MYO5B: variants seen among roughly 807,000 people sequenced by gnomAD.
The protein encoded by MYO5B is myosin VB.
A neutral mutation model predicts 229.3 loss-of-function variants in MYO5B; 143 were observed. The observed-to-expected ratio is 0.62, with a 90% CI of 0.54 to 0.72. MYO5B has a LOEUF of 0.72. Among genes scored for constraint, MYO5B ranks in the 30% least tolerant of loss-of-function variants. The pLI, the probability that MYO5B is intolerant of heterozygous loss-of-function variation, is 0.00. For missense variants in MYO5B, 2,321 were observed against 2,331.0 expected, an observed-to-expected ratio of 1.00 and a Z score of 0.09; for synonymous variants, 918 against 885.2, an observed-to-expected ratio of 1.04 and a Z score of -0.66.
At position 49,937,370 on chromosome 18, in the gene MYO5B, C is replaced by T; in HGVS notation, c.1780G>A (p.Asp594Asn). 1 of 1,614,108 alleles carries T rather than the reference C, an allele frequency of 6.2e-7. No homozygotes were observed. The highest frequency in any genetic ancestry group is 8.5e-7 in the Non-Finnish European group (1 of 1,179,990). Residue 594 changes from aspartate (D) to asparagine (N), a missense_variant, in exon 15 of 40, where the codon GAT (aspartate) becomes AAT (asparagine). By Grantham distance (23) the Asp-to-Asn change is conservative. Transcript: ENST00000285039. ...GTGGCAGGAACAGGGTCCTTGTCAT[C>T]ATGAAACAAGTCAGCCACTAGTGGG... ...KFPLVADLFH[D>N]DKDPVPATTP...
intron 1 of MYO5B, among the ~76,000 whole-genome samples, chr18:50,056,656 C>T (rs1401291230): frequency 6.6e-6 from 1 of 152,060 alleles, no homozygotes; most frequent in Non-Finnish European, 1.5e-5. Flanking sequence ...AGCACAGACC[C>T]TGGGCCAGTC....
chr18:50,063,754 TCAGAA>T (rs1378093804), intron 1 of MYO5B: 3 of 152,220 alleles, frequency 2.0e-5, no homozygotes, highest in Non-Finnish European at 2.9e-5. Flanking sequence ...CCCAGTCTCT[TCAGAA>T]AAGAGTCAAC....
intron 4 of MYO5B, among the ~76,000 whole-genome samples, chr18:50,002,532 C>T (rs942888493): frequency 2.6e-5 from 4 of 152,150 alleles, no homozygotes; most frequent in Non-Finnish European, 4.4e-5. Flanking sequence ...GGTTCTAAAC[C>T]TGTCTTCATT....
chr18:50,179,931 T>C (rs895090423), intron 1 of MYO5B, among the ~76,000 whole-genome samples: 1 of 152,140 alleles, frequency 6.6e-6, no homozygotes, highest in Admixed American at 6.5e-5. Context: ...CTGTTGGTGG[T>C]ATCAATGCGG....
At chr18:50,009,454 C>G (rs919354020) in intron 4 of MYO5B, among the ~76,000 whole-genome samples, 2 of 152,062 alleles carry the variant, frequency 1.3e-5, no homozygotes, top group Non-Finnish European at 2.9e-5. Flanking sequence ...CAACAGAATA[C>G]TAAGAGATAC....
intron 31 of MYO5B, chr18:49,850,129 G>C (rs2024181646): frequency 3.8e-6 from 1 of 261,334 alleles, no homozygotes; most frequent in African/African-American, 2.2e-5. Flanking sequence ...ACACTGGTGT[G>C]GCCCCAGACC....
chr18:50,007,340 G>T (rs1217065707), intron 4 of MYO5B, among the ~76,000 whole-genome samples: 1 of 152,098 alleles, frequency 6.6e-6, no homozygotes, highest in African/African-American at 2.4e-5. Context: ...TCTCTCCAGG[G>T]TGTAGTCTGT....
chr18:49,974,514 C>T lies in MYO5B; in HGVS notation c.1158G>A (p.Glu386=). ...GCAGGGACATGGTCTTGACGTAGGTCTCCGAGGTGGTGACCAGCTTGCGAT... is the reference window on the plus strand; with the variant it reads ...GCAGGGACATGGTCTTGACGTAGGTTTCCGAGGTGGTGACCAGCTTGCGAT... ...LCHRKLVTTS[E]TYVKTMSLQQ... Residue 386 remains glutamate (E), a synonymous_variant, in exon 10 of 40, where the codon GAG becomes GAA. Coordinates refer to ENST00000285039, the MANE Select transcript of MYO5B (RefSeq NM_001080467.3). 6.2e-7 allele frequency: 1 copy of T among 1,614,162 alleles called. No homozygotes were observed. The highest frequency in any genetic ancestry group is 8.5e-7 in the Non-Finnish European group (1 of 1,180,018).
Position 49,856,848 on chromosome 18 carries a change from G to C in MYO5B, c.3987C>G (p.Leu1329=), listed in dbSNP as rs749099123. The C allele has an allele frequency of 6.2e-7, 1 of 1,614,220 alleles. No homozygotes were observed. Among genetic ancestry groups the C allele is most frequent in the Non-Finnish European group, 8.5e-7 (1 of 1,180,006 alleles). ...DWGYLNEDGE[L]GLAYQGLKQV... is the part of the protein sequence containing the mutation. Reference sequence around the variant, plus strand: ...GCTTTAGGCCTTGGTAGGCCAAGCCGAGTTCTCCATCTTCATTTAAATATC... The same window carrying C: ...GCTTTAGGCCTTGGTAGGCCAAGCCCAGTTCTCCATCTTCATTTAAATATC... Residue 1329 remains leucine (L), a synonymous_variant, in exon 30 of 40, where the codon CTC becomes CTG. Transcript: ENST00000285039.
At chr18:49,829,864 G>A (rs555903774) in intron 39 of MYO5B, among the ~76,000 whole-genome samples, 1 of 152,198 alleles carries the variant, frequency 6.6e-6, no homozygotes, top group East Asian at 1.9e-4. Context: ...TCAATCGATG[G>A]AGAAAAGCAT....
intron 13 of MYO5B, among the ~76,000 whole-genome samples, chr18:49,953,894 A>G (rs71357214): frequency 0.012 from 1,339 of 108,520 alleles, 51 homozygotes; most frequent in African/African-American, 0.035. Context: ...ATATACATAT[A>G]TGTGTGTGTG....
intron 8 of MYO5B, among the ~76,000 whole-genome samples, chr18:49,981,008 G>A (rs2025808462): frequency 6.6e-6 from 1 of 152,244 alleles, no homozygotes; most frequent in South Asian, 2.1e-4. Flanking sequence ...GGAAGAAAAG[G>A]AGAAACTTCT....
intron 31 of MYO5B, among the ~76,000 whole-genome samples, chr18:49,851,760 T>C (rs2024203227): frequency 6.6e-6 from 1 of 152,206 alleles, no homozygotes; most frequent in Non-Finnish European, 1.5e-5. Context: ...GCCAAGCACC[T>C]TGTGCTGTGG....
At chr18:50,103,112 T>TTCCA (rs1012608406) in intron 1 of MYO5B, among the ~76,000 whole-genome samples, 1 of 152,266 alleles carries the variant, frequency 6.6e-6, no homozygotes, top group African/African-American at 2.4e-5. Context: ...CACCTTGGGC[T>TTCCA]TCCAGCTCCT....
At chr18:49,845,945 G>C (rs58349995) in intron 33 of MYO5B, among the ~76,000 whole-genome samples, 1 of 152,102 alleles carries the variant, frequency 6.6e-6, no homozygotes, top group Non-Finnish European at 1.5e-5. Context: ...GAGGGGTGGC[G>C]GGGGCTCCTC....
chr18:49,911,359 C>G (rs1424580780), intron 18 of MYO5B, among the ~76,000 whole-genome samples: 5 of 152,154 alleles, frequency 3.3e-5, no homozygotes, highest in Non-Finnish European at 2.9e-5. Flanking sequence ...GTTATAGAAA[C>G]AAATCTTCTT....
chr18:50,009,658 T>A (rs911944695), intron 4 of MYO5B, among the ~76,000 whole-genome samples: 2 of 152,142 alleles, frequency 1.3e-5, no homozygotes, highest in Non-Finnish European at 2.9e-5. Context: ...AAAACTACCA[T>A]AAGTCAGATT....
At chr18:50,123,885 T>C (rs778901571) in intron 1 of MYO5B, among the ~76,000 whole-genome samples, 1 of 152,212 alleles carries the variant, frequency 6.6e-6, no homozygotes, top group African/African-American at 2.4e-5. Context: ...GGATCATTTG[T>C]AGCATCAAAT....
At chr18:49,954,016 G>A (rs959459212) in intron 13 of MYO5B, among the ~76,000 whole-genome samples, 1 of 100,774 alleles carries the variant, frequency 9.9e-6, no homozygotes, top group African/African-American at 4.2e-5. Context: ...ATGTGTGTAT[G>A]TATTTATATG....
Sources: allele counts gnomAD v4.1 joint callset (sites outside exome capture counted in the v4.1 genomes callset), GRCh38; gene constraint gnomAD v4.1.1; transcripts MANE v1.5; gene names NCBI Gene and HGNC (gene_info 2026-07-23, HGNC 2026-07-21).